EPHA4: variants seen among roughly 807,000 people sequenced by gnomAD.
EPHA4 encodes the protein EPH receptor A4.
Under a neutral mutation model 108.3 loss-of-function variants are expected in EPHA4, and 19 were observed. The observed-to-expected ratio is 0.18, with a 90% CI of 0.12 to 0.26. The LOEUF is 0.26. EPHA4 is among the 10% of genes least tolerant of loss of function. The pLI, the probability that EPHA4 is intolerant of heterozygous loss-of-function variation, is 1.00. For missense variants in EPHA4, 917 were observed against 1,254.0 expected, an observed-to-expected ratio of 0.73 and a Z score of 4.06; for synonymous variants, 449 against 455.5, an observed-to-expected ratio of 0.99 and a Z score of 0.18.
At position 221,544,870 on chromosome 2, in the gene EPHA4, C is replaced by G. The variant is rs113261541; in HGVS notation, c.823+18861G>C. Reference sequence around the variant, plus strand: ...CAGAGATTGCTCTCTCGACTCTACCCTAAAGAAAAAAGACCACGTGAGGAC... The same window carrying G: ...CAGAGATTGCTCTCTCGACTCTACCGTAAAGAAAAAAGACCACGTGAGGAC... On this transcript the variant is annotated intron_variant, in intron 3 of 17. Transcript: ENST00000281821. Among the ~76,000 whole-genome samples the G allele has an allele frequency of 2.2e-3, 339 of 152,200 alleles. 1 individual carries two copies. The highest frequency in any genetic ancestry group is 3.8e-3 in the Non-Finnish European group (260 of 68,014).
At chr2:221,525,184 G>A (rs1488193582) in intron 3 of EPHA4, among the ~76,000 whole-genome samples, 1 of 152,156 alleles carries the variant, frequency 6.6e-6, no homozygotes, top group African/African-American at 2.4e-5. Context: ...AATGGCCTCA[G>A]GACAGAGCAG....
rs78893423 is a variant in EPHA4 at position 221,502,173 on chromosome 2, A to G, written c.824-1001T>C. On this transcript the variant is annotated intron_variant, in intron 3 of 17. Coordinates refer to ENST00000281821, the MANE Select transcript of EPHA4 (RefSeq NM_004438.5). ...CACTAATTCTGGGAAAACTCATAAT[A>G]AAAAATAATGACTACTTGCTCCCCA... Among the ~76,000 whole-genome samples the G allele has an allele frequency of 4.6e-5, 7 of 152,214 alleles. 1 individual carries two copies. In the East Asian group the frequency reaches 7.7e-4, roughly 17 times the overall value.
chr2:221,519,913 C>T (rs1693109091), intron 3 of EPHA4, among the ~76,000 whole-genome samples: 1 of 151,996 alleles, frequency 6.6e-6, no homozygotes, highest in South Asian at 2.1e-4. Flanking sequence ...AGAGTCCTAG[C>T]CTCGCCCTTT....
At chr2:221,432,855 T>G (rs1481750923) in intron 14 of EPHA4, among the ~76,000 whole-genome samples, 1 of 147,570 alleles carries the variant, frequency 6.8e-6, no homozygotes, top group Non-Finnish European at 1.5e-5. Flanking sequence ...GACGGAGTCT[T>G]ACTCTTTCGC....
chr2:221,491,205 C>G (rs1692132455), intron 4 of EPHA4, among the ~76,000 whole-genome samples: 1 of 152,018 alleles, frequency 6.6e-6, no homozygotes, highest in Admixed American at 6.6e-5. Flanking sequence ...GCTGAAGTGC[C>G]TTATAAATTC....
At chr2:221,530,392 A>G (rs148746530) in intron 3 of EPHA4, among the ~76,000 whole-genome samples, 7 of 152,382 alleles carry the variant, frequency 4.6e-5, no homozygotes, top group East Asian at 1.9e-4. Context: ...GGCATTAACC[A>G]TTATAGAGAT....
intron 17 of EPHA4, among the ~76,000 whole-genome samples, chr2:221,421,225 G>A (rs986706223): frequency 1.7e-4 from 26 of 152,136 alleles, no homozygotes; most frequent in Non-Finnish European, 2.6e-4. Flanking sequence ...GCGTGAACCT[G>A]GGAGGCGGAG....
At chr2:221,497,354 G>T (rs555335133) in intron 4 of EPHA4, among the ~76,000 whole-genome samples, 1 of 152,270 alleles carries the variant, frequency 6.6e-6, no homozygotes, top group South Asian at 2.1e-4. Flanking sequence ...AAGGCGATCC[G>T]ATCAGCAAGT....
Position 221,456,473 on chromosome 2 carries a change from T to C in EPHA4, c.1603+140A>G. On this transcript the variant is annotated intron_variant, in intron 7 of 17. Transcript: ENST00000281821. The stretch of plus-strand genomic sequence containing the variant: ...TCTAAGTTACAGACATTGGCTAACT[T>C]ATTTCAAGACATATTCATTGCAGCA... 5.3e-6 allele frequency: 4 copies of C among 749,160 alleles called. 1 individual carries two copies. In the South Asian group the frequency reaches 1.1e-4, roughly 20 times the overall value. 46.4% of individuals were successfully genotyped at this position (749,160 alleles called of 1,614,324 possible). A position where few individuals can be genotyped will look rare whatever the true frequency, so the allele number is the denominator to read the frequency against.
At chr2:221,422,823 G>A (rs1689795123) in intron 17 of EPHA4, among the ~76,000 whole-genome samples, 1 of 152,166 alleles carries the variant, frequency 6.6e-6, no homozygotes, top group South Asian at 2.1e-4. Flanking sequence ...TCTTTTCATT[G>A]CAATAGAATT....
chr2:221,464,061 T>C (rs1277601877), intron 5 of EPHA4, among the ~76,000 whole-genome samples: 1 of 152,106 alleles, frequency 6.6e-6, no homozygotes, highest in Non-Finnish European at 1.5e-5. Flanking sequence ...CAGCCCTTTA[T>C]GAAAGTCAAG....
chr2:221,456,026 A>G (rs1017177320), intron 7 of EPHA4, among the ~76,000 whole-genome samples: 28 of 152,258 alleles, frequency 1.8e-4, no homozygotes, highest in African/African-American at 6.5e-4. Context: ...AACATGCCCA[A>G]TTTGGGTTCA....
intron 3 of EPHA4, among the ~76,000 whole-genome samples, chr2:221,516,413 G>C (rs1692990989): frequency 6.6e-6 from 1 of 150,408 alleles, no homozygotes; most frequent in Non-Finnish European, 1.5e-5. Context: ...GGAGTGCAGA[G>C]GCACGATCTC....
At chr2:221,572,398 G>A, upstream of EPHA4, 1 of 604,528 alleles carries the variant, frequency 1.7e-6, no homozygotes. Context: ...GCCAATGGCG[G>A]CGCAGACAGG....
At chr2:221,541,388 G>A (rs2106191090) in intron 3 of EPHA4, among the ~76,000 whole-genome samples, 1 of 152,218 alleles carries the variant, frequency 6.6e-6, no homozygotes, top group Non-Finnish European at 1.5e-5. Flanking sequence ...CAAGCTCCTG[G>A]TGATTCAGAA....
chr2:221,563,898 G>A lies in EPHA4; in HGVS notation c.656C>T (p.Thr219Ile). Residue 219 changes from threonine to isoleucine, a missense_variant, in exon 3 of 18, where the codon ACA becomes ATA. Thr to Ile is a moderately conservative substitution (Grantham distance 89, BLOSUM62 -1). Transcript: ENST00000281821. Reference sequence around the variant, plus strand: ...CACCAGGGAAGACGTATCAGCCCCTGTGATGGTGTCAGGAAACTGGGCCAG... The same window carrying A: ...CACCAGGGAAGACGTATCAGCCCCTATGATGGTGTCAGGAAACTGGGCCAG... ...RNLAQFPDTI[T>I]GADTSSLVEV... 1.2e-6 allele frequency: 2 copies of A among 1,614,216 alleles called. No individual in the cohort carries two copies. Among genetic ancestry groups the A allele is most frequent in the Non-Finnish European group, 1.7e-6 (2 of 1,180,052 alleles).
chr2:221,418,742 G>A lies in EPHA4; in HGVS notation c.*2630C>T, dbSNP rs1689656726. On this transcript the variant is annotated 3_prime_UTR_variant, in exon 18 of 18. Coordinates refer to ENST00000281821, the MANE Select transcript of EPHA4 (RefSeq NM_004438.5). The stretch of plus-strand genomic sequence containing the variant: ...CACTGCTCTAGAGATCGGCACATGA[G>A]TTAGCATTGGAGCTCACTCGGCCAG... 6.6e-6 allele frequency: 1 copy of A among 152,386 alleles called. No homozygotes were observed. The highest frequency in any genetic ancestry group is 2.1e-4 in the South Asian group (1 of 4,832). 9.4% of individuals were successfully genotyped at this position (152,386 alleles called of 1,614,324 possible). A position where few individuals can be genotyped will look rare whatever the true frequency, so the allele number is the denominator to read the frequency against.
At chr2:221,481,916 G>T (rs959532739) in intron 5 of EPHA4, among the ~76,000 whole-genome samples, 4 of 152,110 alleles carry the variant, frequency 2.6e-5, no homozygotes, top group Non-Finnish European at 4.4e-5. Context: ...CTGATGTCCA[G>T]CCATGGACAT....
At chr2:221,489,103 A>G (rs966793560) in intron 4 of EPHA4, among the ~76,000 whole-genome samples, 3 of 152,200 alleles carry the variant, frequency 2.0e-5, no homozygotes, top group African/African-American at 4.8e-5. Context: ...GTGTGTCTAT[A>G]AGTTTGGTAT....
Sources: gnomAD v4.1 joint callset for allele counts (sites outside exome capture counted in the v4.1 genomes callset) on GRCh38, gnomAD v4.1.1 for gene constraint, MANE v1.5 for transcripts, NCBI Gene and HGNC (gene_info 2026-07-23, HGNC 2026-07-21) for gene names.